The following UBR4 variants were observed in gnomAD, a reference collection of about 807,000 sequenced individuals.
UBR4 encodes the protein ubiquitin protein ligase E3 component n-recognin 4, also known as E3 ubiquitin-protein ligase UBR4.
In UBR4, 124 loss-of-function variants were observed where a neutral mutation model predicts 575.6. That is an observed-to-expected ratio of 0.22 (90% CI 0.19 to 0.25). The LOEUF is 0.25. UBR4 is among the 10% of genes least tolerant of loss of function. The pLI is 1.00. For synonymous variants in UBR4, 2,455 were observed against 2,473.7 expected, an observed-to-expected ratio of 0.99 and a Z score of 0.22; for missense variants, 4,818 against 6,478.8, an observed-to-expected ratio of 0.74 and a Z score of 8.80.
Position 19,105,747 on chromosome 1 carries a change from C to A in UBR4, c.12489G>T (p.Leu4163=). ...ATIPSRKQQV[L]DLLTSYLDEL... ...CCAAATGGTACCTGGTAAGCAGGTCCAGGACCTGCTGCTTGCGGCTGGGAA... is the reference window on the plus strand; with the variant it reads ...CCAAATGGTACCTGGTAAGCAGGTCAAGGACCTGCTGCTTGCGGCTGGGAA... Residue 4163 remains leucine, a synonymous_variant, in exon 84 of 106, where the codon CTG becomes CTT. Transcript: ENST00000375254. 1 of 1,606,630 alleles carries A rather than the reference C, an allele frequency of 6.2e-7. No homozygotes were observed.
chr1:19,183,727 A>T lies in UBR4; in HGVS notation c.2184+84T>A. The stretch of plus-strand genomic sequence containing the variant: ...ACAGAGCAAGACTCCATCTCAAAAA[A>T]ACAAACAAACAAACAATTGGAGCTG... On this transcript the variant is annotated intron_variant, in intron 17 of 105. Coordinates refer to ENST00000375254, the MANE Select transcript of UBR4 (RefSeq NM_020765.3). The T allele has an allele frequency of 2.2e-6, 3 of 1,394,418 alleles. No homozygotes were observed. In the South Asian group the frequency reaches 3.6e-5, roughly 17 times the overall value. 86.4% of individuals were successfully genotyped at this position (1,394,418 alleles called of 1,614,324 possible). A position where few individuals can be genotyped will look rare whatever the true frequency, so the allele number is the denominator to read the frequency against.
In UBR4 at chr1:19,076,668, C is replaced by T. The variant is rs556831871; in HGVS notation, c.15487+72G>A. ...TCCTCTGGTCGTGAAGATAAAGCTA[C>T]GGATGACCCACGGAGGAAGACATGG... On this transcript the variant is annotated intron_variant, in intron 105 of 105. Transcript: ENST00000375254. The T allele has an allele frequency of 3.4e-5, 55 of 1,599,360 alleles. No individual in the cohort carries two copies. In the Middle Eastern group the frequency reaches 5.0e-4, roughly 14 times the overall value.
intron 51 of UBR4, among the ~76,000 whole-genome samples, chr1:19,147,476 C>T (rs1179256332): frequency 6.6e-6 from 1 of 152,182 alleles, no homozygotes; most frequent in Non-Finnish European, 1.5e-5. Context: ...TCTGAACTCT[C>T]ATCTTTTCCA....
intron 60 of UBR4, among the ~76,000 whole-genome samples, chr1:19,137,002 T>G (rs1350388654): frequency 6.6e-6 from 1 of 152,020 alleles, no homozygotes; most frequent in East Asian, 1.9e-4. Flanking sequence ...AGAAATCATA[T>G]AGTTCAAAAT....
chr1:19,179,053 G>A lies in UBR4; in HGVS notation c.2352C>T (p.Asp784=). The change falls in exon 18 of 106, where the codon GAC becomes GAT. Residue 784 remains aspartate (D), a splice_region_variant and synonymous_variant. Coordinates refer to ENST00000375254, the MANE Select transcript of UBR4 (RefSeq NM_020765.3). ...GCCTTCTCTTACAGACATCTTACCT[G>A]TCCCAAACTTTAAGGCATTCTGGGA... is the stretch of plus-strand genomic sequence containing the variant. ...PDVPECLKVW[D]RFLSTMKQNA... is the part of the protein sequence containing the mutation. 1 of 1,612,910 alleles carries A rather than the reference G, an allele frequency of 6.2e-7. No homozygotes were observed. Among genetic ancestry groups the A allele is most frequent in the Non-Finnish European group, 8.5e-7 (1 of 1,179,668 alleles).
At chr1:19,204,194 G>C (rs1179662410) in intron 1 of UBR4, among the ~76,000 whole-genome samples, 1 of 151,962 alleles carries the variant, frequency 6.6e-6, no homozygotes, top group African/African-American at 2.4e-5. Flanking sequence ...AGTAGAGATG[G>C]GGTTTCACCA....
At chr1:19,165,051 AG>A in intron 31 of UBR4, 54 bp from the exon 32 acceptor site, 1 of 1,597,996 alleles carries the variant, frequency 6.3e-7, no homozygotes, top group East Asian at 2.2e-5. Flanking sequence ...AGGAAGAGAA[AG>A]AAGGGGCAAA....
Position 19,106,976 on chromosome 1 carries a change from G to GC in UBR4, c.12106-11dup, listed in dbSNP as rs767266006. On this transcript the variant is annotated splice_polypyrimidine_tract_variant and intron_variant, in intron 81 of 105. Transcript: ENST00000375254. ...CCTCAACGGGGACATCCTGGAGGAGGCAAGTGGAGCAAGGTGAGGGCGCTC... is the reference window on the plus strand; with the variant it reads ...CCTCAACGGGGACATCCTGGAGGAGGCCAAGTGGAGCAAGGTGAGGGCGCTC... The GC allele has an allele frequency of 5.0e-6, 8 of 1,611,350 alleles. No individual in the cohort carries two copies. Among genetic ancestry groups the GC allele is most frequent in the Non-Finnish European group, 6.8e-6 (8 of 1,179,600 alleles).
At chr1:19,104,781 T>C in intron 85 of UBR4, 115 bp from the exon 86 acceptor site, 1 of 1,226,512 alleles carries the variant, frequency 8.2e-7, no homozygotes, top group Non-Finnish European at 1.2e-6. Context: ...ATCTTCTTAA[T>C]CGAACCCTTG....
chr1:19,180,570 C>A (rs1557935582), intron 17 of UBR4, among the ~76,000 whole-genome samples: 2 of 148,088 alleles, frequency 1.4e-5, no homozygotes, highest in Non-Finnish European at 1.5e-5. Flanking sequence ...ACCTGAGCTA[C>A]ATGAAAAATA....
chr1:19,200,772 A>C (rs1315310721), intron 2 of UBR4, among the ~76,000 whole-genome samples: 1 of 152,220 alleles, frequency 6.6e-6, no homozygotes, highest in Non-Finnish European at 1.5e-5. Context: ...AGGATTCCTC[A>C]GCAACTGGAA....
chr1:19,168,036 T>A lies in UBR4; in HGVS notation c.3890A>T (p.Asp1297Val), dbSNP rs762370823. Residue 1297 changes from aspartate to valine, a missense_variant, in exon 28 of 106, where the codon GAT (aspartate) becomes GTT (valine). By Grantham distance (152) the Asp-to-Val change is radical. Coordinates refer to ENST00000375254, the MANE Select transcript of UBR4 (RefSeq NM_020765.3). ...TLLSLVRLTG[D>V]LIVWSDEMNP... ...GGTAGTAGGTACTTACACAATAAGATCTCCAGTCAACCTGACCAGTGAGAG... is the reference window on the plus strand; with the variant it reads ...GGTAGTAGGTACTTACACAATAAGAACTCCAGTCAACCTGACCAGTGAGAG... 6.2e-7 allele frequency: 1 copy of A among 1,611,832 alleles called. No individual in the cohort carries two copies. The highest frequency in any genetic ancestry group is 1.3e-5 in the African/African-American group (1 of 74,968).
chr1:19,182,907 TA>T (rs997148033), intron 17 of UBR4, among the ~76,000 whole-genome samples: 7 of 139,632 alleles, frequency 5.0e-5, no homozygotes, highest in African/African-American at 1.5e-4. Flanking sequence ...ATAGATTATA[TA>T]TGTACATACA....
chr1:19,093,785 T>C lies in UBR4; in HGVS notation c.13937+164A>G, dbSNP rs1352376701. On this transcript the variant is annotated intron_variant, in intron 95 of 105. Coordinates refer to ENST00000375254, the MANE Select transcript of UBR4 (RefSeq NM_020765.3). The surrounding 1 kb of genome is among the most constrained non-coding windows in gnomAD (Gnocchi z 4.8). ...CTAGCCAATTGCTACTCTAATACAG[T>C]ATATTTTAACTATTCACTTCCCAAC... Among the ~76,000 whole-genome samples, 2 of 152,162 alleles carry C rather than the reference T, an allele frequency of 1.3e-5. No homozygotes were observed. Among genetic ancestry groups the C allele is most frequent in the Admixed American group, 6.5e-5 (1 of 15,282 alleles).
intron 77 of UBR4, chr1:19,113,175 TC>T: frequency 3.2e-6 from 1 of 315,294 alleles, no homozygotes; most frequent in Non-Finnish European, 5.8e-6. Context: ...AAGATGGCAC[TC>T]CAGCAATTTG....
At chr1:19,169,056 A>G (rs537538320) in intron 27 of UBR4, among the ~76,000 whole-genome samples, 5 of 152,340 alleles carry the variant, frequency 3.3e-5, no homozygotes, top group African/African-American at 9.6e-5. Flanking sequence ...CTGTTACAAA[A>G]GGAGCAGGTT....
In UBR4 at chr1:19,139,451, A is replaced by T. The variant is rs1016880461; in HGVS notation, c.8594-231T>A. ...GGTGCATTGCAAACAGTACTTAGACAGGAGTGAAGAAAACCCAGTTCACTG... is the reference window on the plus strand; with the variant it reads ...GGTGCATTGCAAACAGTACTTAGACTGGAGTGAAGAAAACCCAGTTCACTG... On this transcript the variant is annotated intron_variant, in intron 58 of 105. Coordinates refer to ENST00000375254, the MANE Select transcript of UBR4 (RefSeq NM_020765.3). This position sits in a 1 kb window ranked among gnomAD's most constrained non-coding sequence, Gnocchi z 4.2. Among the ~76,000 whole-genome samples the T allele has an allele frequency of 1.3e-5, 2 of 152,172 alleles. No homozygotes were observed. Among genetic ancestry groups the T allele is most frequent in the Non-Finnish European group, 2.9e-5 (2 of 68,022 alleles).
chr1:19,190,464 G>A (rs1430972684), intron 11 of UBR4, among the ~76,000 whole-genome samples: 1 of 151,730 alleles, frequency 6.6e-6, no homozygotes, highest in Non-Finnish European at 1.5e-5. Context: ...TCCAGGCTGT[G>A]ACCTCTTCCT....
intron 34 of UBR4, among the ~76,000 whole-genome samples, chr1:19,163,423 T>C (rs1406563808): frequency 1.3e-5 from 2 of 152,230 alleles, no homozygotes; most frequent in Non-Finnish European, 2.9e-5. Context: ...ATTTGGCCTT[T>C]TATAACACTG....
Sources: gnomAD v4.1 joint callset for allele counts (sites outside exome capture counted in the v4.1 genomes callset) on GRCh38, gnomAD v4.1.1 for gene constraint, Gnocchi (gnomAD v3.1) non-coding constraint, MANE v1.5 for transcripts, NCBI Gene and HGNC (gene_info 2026-07-23, HGNC 2026-07-21) for gene names.